MAP4K4: variants seen among roughly 807,000 people sequenced by gnomAD.
MAP4K4 encodes HPK/GCK-like kinase HGK.
In MAP4K4, 38 loss-of-function variants were observed where a neutral mutation model predicts 189.6. The ratio of observed to expected loss-of-function variants is 0.20; its 90% CI spans 0.15 to 0.26. MAP4K4 has a LOEUF of 0.26. Among genes scored for constraint, MAP4K4 ranks in the 10% least tolerant of loss-of-function variants. The pLI, the probability that MAP4K4 is intolerant of heterozygous loss-of-function variation, is 1.00. For missense variants in MAP4K4, 1,054 were observed against 1,726.9 expected (o/e 0.61, Z 6.91); for synonymous variants, 610 against 624.3 (o/e 0.98, Z 0.34).
chr2:101,807,591 A>G (rs1431638773), intron 3 of MAP4K4, among the ~76,000 whole-genome samples: 1 of 152,206 alleles, frequency 6.6e-6, no homozygotes, highest in African/African-American at 2.4e-5. Flanking sequence ...ATAAAGAAAT[A>G]CCTGAGACTG....
chr2:101,727,003 T>G (rs970001137), intron 2 of MAP4K4, among the ~76,000 whole-genome samples: 1 of 152,104 alleles, frequency 6.6e-6, no homozygotes, highest in African/African-American at 2.4e-5. Context: ...TCATGTCTCT[T>G]TTCCTCTTGA....
rs112077155 is a variant in MAP4K4 at position 101,873,803 on chromosome 2, G to A, written c.3070+39G>A. The A allele has an allele frequency of 1.6e-3, 2,285 of 1,419,428 alleles. 4 individuals carry two copies. Among genetic ancestry groups the A allele is most frequent in the Non-Finnish European group, 2.1e-3 (2,113 of 1,013,256 alleles). The allele number at this position is 1,419,428 out of a possible 1,614,324, so 87.9% of individuals were successfully genotyped here. A position where few individuals can be genotyped will look rare whatever the true frequency, so the allele number is the denominator to read the frequency against. ...CAACAAGAAAGCAGCTGACAAATGG[G>A]ACTTTATCTTTGAGTTGCTCTTTTG... On this transcript the variant is annotated intron_variant, in intron 25 of 32. Coordinates refer to ENST00000324219, the Ensembl canonical transcript of MAP4K4.
In MAP4K4 at chr2:101,711,980, T is replaced by A. The variant is rs1439955357; in HGVS notation, c.123+13442T>A. On this transcript the variant is annotated intron_variant, in intron 2 of 32. Transcript: ENST00000324219. Reference sequence around the variant, plus strand: ...TTGGTAGTCTGTCTTGCCCTTTTTTTTTTTTTTTTTGCTTTTTAATGATTC... The same window carrying A: ...TTGGTAGTCTGTCTTGCCCTTTTTTATTTTTTTTTTGCTTTTTAATGATTC... 2.0e-5 allele frequency among the ~76,000 whole-genome samples: 3 copies of A among 151,372 alleles called. No individual in the cohort carries two copies. In the East Asian group the frequency reaches 5.8e-4, roughly 29 times the overall value.
chr2:101,698,172 G>C, intron 1 of MAP4K4, 35 bp downstream of exon 1: 1 of 846,232 alleles, frequency 1.2e-6, no homozygotes. Flanking sequence ...GCGGGGAGCG[G>C]GCAGCCGGCA....
At chr2:101,741,060 A>C (rs2062530208) in intron 2 of MAP4K4, among the ~76,000 whole-genome samples, 2 of 152,208 alleles carry the variant, frequency 1.3e-5, no homozygotes, top group African/African-American at 2.4e-5. Flanking sequence ...TGAGAATCAA[A>C]TTCAACTTTG....
chr2:101,866,408 CTCT>C lies in MAP4K4; in HGVS notation c.2205-12_2205-10del, dbSNP rs897126437. On this transcript the variant is annotated splice_polypyrimidine_tract_variant and intron_variant, in intron 18 of 32. Coordinates refer to ENST00000324219, the Ensembl canonical transcript of MAP4K4. ...CTAGAGATGACACATTAGCTGTTCT[CTCT>C]TCTTCTTTTCTAACAGCAGTATTGA... is the stretch of plus-strand genomic sequence containing the variant. The C allele has an allele frequency of 3.1e-6, 5 of 1,600,700 alleles. No homozygotes were observed. The African/African-American group carries it at 4.0e-5, about 13-fold the overall frequency.
intron 27 of MAP4K4, among the ~76,000 whole-genome samples, 200 bp downstream of exon 27, chr2:101,877,346 G>A (rs2098233150): frequency 6.6e-6 from 1 of 152,190 alleles, no homozygotes; most frequent in South Asian, 2.1e-4. Flanking sequence ...TCCTCCGAAA[G>A]CAGTCTTGAG....
intron 26 of MAP4K4, among the ~76,000 whole-genome samples, chr2:101,875,583 A>G (rs1232300658): frequency 1.3e-5 from 2 of 152,180 alleles, no homozygotes; most frequent in African/African-American, 2.4e-5. Flanking sequence ...GTGTGGGCAT[A>G]CATGTATGTG....
intron 28 of MAP4K4, among the ~76,000 whole-genome samples, chr2:101,884,772 C>G (rs543106336): frequency 6.6e-6 from 1 of 152,148 alleles, no homozygotes; most frequent in Non-Finnish European, 1.5e-5. Flanking sequence ...CTTCCTCAGT[C>G]TGTGTGAGCC....
At chr2:101,888,436 G>C (rs1559351584) in intron 31 of MAP4K4, among the ~76,000 whole-genome samples, 1 of 152,096 alleles carries the variant, frequency 6.6e-6, no homozygotes, top group Non-Finnish European at 1.5e-5. Context: ...TGGTTTTATT[G>C]TAATTAGGTC....
chr2:101,798,824 G>T (rs1414327176), intron 3 of MAP4K4, among the ~76,000 whole-genome samples: 1 of 152,126 alleles, frequency 6.6e-6, no homozygotes, highest in African/African-American at 2.4e-5. Flanking sequence ...GTCTTCTATT[G>T]CAATATTTAT....
rs200723678 is a variant in MAP4K4 at position 101,747,691 on chromosome 2, G to GC, written c.124-43022dup. Among the ~76,000 whole-genome samples, 160 of 151,810 alleles carry GC rather than the reference G, an allele frequency of 1.1e-3. 5 individuals carry two copies. In the East Asian group the frequency reaches 0.025, roughly 24 times the overall value. On this transcript the variant is annotated intron_variant, in intron 2 of 32. Transcript: ENST00000324219. ...TTTTCCTTCCAAGGTTTTTTTCCCTGCCCCCCCTTCTTAGCTTTGGATAGA... is the reference window on the plus strand; with the variant it reads ...TTTTCCTTCCAAGGTTTTTTTCCCTGCCCCCCCCTTCTTAGCTTTGGATAGA...
chr2:101,876,148 A>C (rs2098197393), intron 26 of MAP4K4, among the ~76,000 whole-genome samples: 1 of 152,202 alleles, frequency 6.6e-6, no homozygotes, highest in African/African-American at 2.4e-5. Flanking sequence ...GAAGCAGCCA[A>C]GTCGCGAGGC....
chr2:101,785,953 G>A (rs1182928544), intron 2 of MAP4K4, among the ~76,000 whole-genome samples: 1 of 152,044 alleles, frequency 6.6e-6, no homozygotes, highest in Non-Finnish European at 1.5e-5. Context: ...GCCTCCCCGA[G>A]TAGCTGGGAT....
intron 3 of MAP4K4, among the ~76,000 whole-genome samples, chr2:101,810,251 T>G (rs925756388): frequency 6.6e-6 from 1 of 152,176 alleles, no homozygotes; most frequent in African/African-American, 2.4e-5. Flanking sequence ...CTCCTGTATA[T>G]TTTTTAAGGG....
At chr2:101,754,497 G>A (rs961127239) in intron 2 of MAP4K4, among the ~76,000 whole-genome samples, 1 of 151,986 alleles carries the variant, frequency 6.6e-6, no homozygotes, top group African/African-American at 2.4e-5. Flanking sequence ...GACTACAGGT[G>A]TGTACCACCG....
In MAP4K4 at chr2:101,825,279, C is replaced by T. The variant is rs375179030; in HGVS notation, c.307-40C>T. The T allele has an allele frequency of 1.5e-5, 20 of 1,349,858 alleles. No individual in the cohort carries two copies. In the African/African-American group the frequency reaches 2.3e-4, roughly 16 times the overall value. 83.6% of individuals were successfully genotyped at this position (1,349,858 alleles called of 1,614,324 possible). ...GTTAAACTGGTTTTCCCAATTTCTC[C>T]AAGATATGTTGCTCACCTTGTGTCT... On this transcript the variant is annotated intron_variant, in intron 4 of 32. Coordinates refer to ENST00000324219, the Ensembl canonical transcript of MAP4K4.
At chr2:101,739,161 C>T (rs2061619312) in intron 2 of MAP4K4, among the ~76,000 whole-genome samples, 1 of 152,146 alleles carries the variant, frequency 6.6e-6, no homozygotes, top group Non-Finnish European at 1.5e-5. Context: ...AGCGTCTTTG[C>T]AGTTGACTCA....
chr2:101,839,339 T>A (rs1031488514), intron 9 of MAP4K4, among the ~76,000 whole-genome samples: 28 of 152,220 alleles, frequency 1.8e-4, no homozygotes, highest in African/African-American at 6.5e-4. Context: ...AGTTTGGAAC[T>A]CCGGTTGAAA....
Sources: gnomAD v4.1 joint callset for allele counts (sites outside exome capture counted in the v4.1 genomes callset) on GRCh38, gnomAD v4.1.1 for gene constraint, MANE v1.5 for transcripts, NCBI Gene and HGNC (gene_info 2026-07-23, HGNC 2026-07-21) for gene names.